The following FTO variants were observed in gnomAD, a reference collection of about 807,000 sequenced individuals.
The protein encoded by FTO is alpha-ketoglutarate-dependent dioxygenase FTO.
In FTO, 47 loss-of-function variants were observed where a neutral mutation model predicts 63.9. The observed-to-expected ratio is 0.74, with a 90% CI of 0.58 to 0.94. The LOEUF (loss-of-function observed/expected upper bound fraction) is 0.94, where lower values mean the gene tolerates loss of function less well. Ranked by LOEUF, FTO falls within the 40% of genes least tolerant of loss-of-function variation. The pLI, the probability that FTO is intolerant of heterozygous loss-of-function variation, is 0.00. For synonymous variants in FTO, 207 were observed against 224.4 expected, an observed-to-expected ratio of 0.92 and a Z score of 0.69; for missense variants, 562 against 618.1, an observed-to-expected ratio of 0.91 and a Z score of 0.96.
chr16:54,084,779 C>T (rs896658368), intron 8 of FTO, among the ~76,000 whole-genome samples: 12 of 152,218 alleles, frequency 7.9e-5, no homozygotes, highest in African/African-American at 1.7e-4. Flanking sequence ...TTACAGAGGC[C>T]GGGCGGGGAG....
chr16:53,795,751 A>G (rs1297026152), intron 1 of FTO, among the ~76,000 whole-genome samples: 1 of 152,242 alleles, frequency 6.6e-6, no homozygotes, highest in Non-Finnish European at 1.5e-5. Context: ...GATACAAAAC[A>G]AAAAAATGCC....
chr16:53,748,014 G>A (rs1001631127), intron 1 of FTO, among the ~76,000 whole-genome samples: 9 of 152,212 alleles, frequency 5.9e-5, no homozygotes, highest in South Asian at 2.1e-4. Flanking sequence ...ATTGGTTGAT[G>A]AGCCCATTTT....
chr16:53,770,750 G>T (rs2077314266), intron 1 of FTO, among the ~76,000 whole-genome samples: 1 of 152,124 alleles, frequency 6.6e-6, no homozygotes, highest in Admixed American at 6.5e-5. Context: ...TCTGGTGGAT[G>T]CCAGTGCCAG....
chr16:53,757,875 G>A (rs2151590766), intron 1 of FTO, among the ~76,000 whole-genome samples: 1 of 152,320 alleles, frequency 6.6e-6, no homozygotes, highest in East Asian at 1.9e-4. Context: ...CTTAGATGTT[G>A]AGTGCTATCT....
At chr16:53,824,116 T>C (rs1598752541) in intron 2 of FTO, among the ~76,000 whole-genome samples, 1 of 152,208 alleles carries the variant, frequency 6.6e-6, no homozygotes. Flanking sequence ...TAAGAGCGAT[T>C]GTATAAGATG....
intron 2 of FTO, 36 bp downstream of exon 2, chr16:53,810,253 T>C (rs760938787): frequency 7.2e-7 from 1 of 1,397,058 alleles, no homozygotes; most frequent in South Asian, 1.2e-5. Flanking sequence ...GTTTCAGTGA[T>C]GTGTTCTGAT....
At chr16:53,719,253 C>CT (rs10527186) in intron 1 of FTO, among the ~76,000 whole-genome samples, 2,241 of 135,114 alleles carry the variant, frequency 0.017, 75 homozygotes, top group East Asian at 0.096. Context: ...TCTTCTTCTT[C>CT]TTTTTTTTTT....
chr16:53,760,667 C>A (rs2077045736), intron 1 of FTO, among the ~76,000 whole-genome samples: 1 of 139,344 alleles, frequency 7.2e-6, no homozygotes, highest in Non-Finnish European at 1.5e-5. Flanking sequence ...GGCTCTGTTG[C>A]CCAGACTGGA....
intron 1 of FTO, among the ~76,000 whole-genome samples, chr16:53,734,886 C>T (rs903639249): frequency 2.0e-5 from 3 of 152,100 alleles, no homozygotes; most frequent in Non-Finnish European, 2.9e-5. Flanking sequence ...CCTGTAAGTC[C>T]CCTAGCACAC....
intron 8 of FTO, among the ~76,000 whole-genome samples, chr16:53,978,670 A>G (rs2083477305): frequency 6.6e-6 from 1 of 152,210 alleles, no homozygotes; most frequent in South Asian, 2.1e-4. Context: ...AGAAAATTTG[A>G]AAATTGTAGA....
chr16:53,773,837 C>T (rs1475801398), intron 1 of FTO, among the ~76,000 whole-genome samples: 1 of 152,074 alleles, frequency 6.6e-6, no homozygotes, highest in Non-Finnish European at 1.5e-5. Flanking sequence ...CATAGAATGA[C>T]AGAAAAATAA....
chr16:53,811,289 T>C (rs1598724567), intron 2 of FTO, among the ~76,000 whole-genome samples: 1 of 152,156 alleles, frequency 6.6e-6, no homozygotes, highest in Non-Finnish European at 1.5e-5. Context: ...CAATGTGAAG[T>C]CTTGAAGCAG....
chr16:53,987,025 A>G (rs912097123), intron 8 of FTO, among the ~76,000 whole-genome samples: 1 of 152,220 alleles, frequency 6.6e-6, no homozygotes, highest in African/African-American at 2.4e-5. Context: ...CATGCATGTA[A>G]TACCACGCAG....
chr16:53,888,988 T>C (rs1476761242), intron 7 of FTO, 37 bp downstream of exon 7: 15 of 1,610,854 alleles, frequency 9.3e-6, no homozygotes, highest in African/African-American at 1.3e-5. Flanking sequence ...TTTTCTGGGC[T>C]GCTGTGTTAT....
chr16:53,835,995 A>T (rs556419492), intron 3 of FTO, among the ~76,000 whole-genome samples: 2 of 150,768 alleles, frequency 1.3e-5, no homozygotes, highest in South Asian at 4.2e-4. Flanking sequence ...GGTTCAAGTG[A>T]TTCTTCTGCC....
intron 1 of FTO, among the ~76,000 whole-genome samples, chr16:53,751,419 C>T (rs2076790641): frequency 6.6e-6 from 1 of 151,910 alleles, no homozygotes; most frequent in African/African-American, 2.4e-5. Flanking sequence ...GATCATGCCA[C>T]TGCACTCCAG....
At chr16:53,994,979 C>A (rs1449473183) in intron 8 of FTO, among the ~76,000 whole-genome samples, 1 of 152,154 alleles carries the variant, frequency 6.6e-6, no homozygotes, top group African/African-American at 2.4e-5. Context: ...AGTGATCCGC[C>A]CGTCTCGGCC....
Position 53,883,139 on chromosome 16 carries a change from C to T in FTO, c.1119+3152C>T, listed in dbSNP as rs111527292. Among the ~76,000 whole-genome samples the T allele has an allele frequency of 3.0e-3, 464 of 152,204 alleles. 2 individuals carry two copies. The highest frequency in any genetic ancestry group is 0.01 in the African/African-American group (430 of 41,522). ...AATCTCAAAATGTAGTTATTTCCTTCGCAAAAAATCTCACAATTTTCAGTG... is the reference window on the plus strand; with the variant it reads ...AATCTCAAAATGTAGTTATTTCCTTTGCAAAAAATCTCACAATTTTCAGTG... On this transcript the variant is annotated intron_variant, in intron 6 of 8. Transcript: ENST00000471389.
chr16:54,074,211 C>T (rs2665275), intron 8 of FTO, among the ~76,000 whole-genome samples: 25,923 of 151,680 alleles, frequency 0.17, 2,597 homozygotes, highest in African/African-American at 0.28. Flanking sequence ...TTTTCCTAAG[C>T]CAAGTGATTC....
Sources: allele counts gnomAD v4.1 joint callset (sites outside exome capture counted in the v4.1 genomes callset), GRCh38; gene constraint gnomAD v4.1.1; transcripts MANE v1.5; gene names NCBI Gene and HGNC (gene_info 2026-07-23, HGNC 2026-07-21).